Variants in CFAP45 observed in about 807,000 individuals in gnomAD.
CFAP45 encodes the protein cilia and flagella associated protein 45.
A neutral mutation model predicts 75.6 loss-of-function variants in CFAP45; 43 were observed. The observed-to-expected ratio is 0.57, with a 90% CI of 0.45 to 0.73. The LOEUF is 0.73. Among genes scored for constraint, CFAP45 ranks in the 30% least tolerant of loss-of-function variants. The probability of loss-of-function intolerance (pLI) is 0.00; values close to 1 mark genes in which losing one functional copy is unlikely to be tolerated. For missense variants in CFAP45, 689 were observed against 701.5 expected (o/e 0.98, Z 0.20); for synonymous variants, 223 against 244.6 (o/e 0.91, Z 0.82).
chr1:159,887,867 C>T lies in CFAP45; in HGVS notation c.562G>A (p.Glu188Lys), dbSNP rs1038417813. ...QRANKLRMEQ[E>K]EELKDMSKII... Reference sequence around the variant, plus strand: ...TTGCTCATGTCCTTGAGCTCCTCCTCCTGCTCCATCCGCAGCTTGTTGGCT... The same window carrying T: ...TTGCTCATGTCCTTGAGCTCCTCCTTCTGCTCCATCCGCAGCTTGTTGGCT... Residue 188 changes from glutamate (E) to lysine (K), a missense_variant, in exon 5 of 12, where the codon GAG (glutamate) becomes AAG (lysine). Coordinates refer to ENST00000368099, the MANE Select transcript of CFAP45 (RefSeq NM_012337.3). The T allele has an allele frequency of 6.2e-7, 1 of 1,613,956 alleles. No individual in the cohort carries two copies. Among genetic ancestry groups the T allele is most frequent in the Admixed American group, 1.7e-5 (1 of 60,006 alleles).
chr1:159,893,205 T>C lies in CFAP45; in HGVS notation c.104A>G (p.Asp35Gly), dbSNP rs117846150. Residue 35 changes from aspartate (D) to glycine (G), a missense_variant, in exon 2 of 12, where the codon GAT (aspartate) becomes GGT (glycine). Transcript: ENST00000368099. The stretch of plus-strand genomic sequence containing the variant: ...CTTGATATCTCCAAAGAGGCTCTCA[T>C]CCACCTCAGAGCTCACGGCTTTGGT... ...YRTKAVSSEVDESLFGDIKSP... is the reference protein window; with the variant it reads ...YRTKAVSSEVGESLFGDIKSP... 51 of 1,614,042 alleles carry C rather than the reference T, an allele frequency of 3.2e-5. No homozygotes were observed. The East Asian group carries it at 1.0e-3, about 33-fold the overall frequency.
chr1:159,873,472 A>C, intron 10 of CFAP45: 2 of 401,996 alleles, frequency 5.0e-6, no homozygotes, highest in Non-Finnish European at 9.2e-6. Context: ...ATTCTTAATA[A>C]TTTTTGAACA....
At chr1:159,898,696 G>A (rs1215039739) in intron 1 of CFAP45, among the ~76,000 whole-genome samples, 1 of 152,120 alleles carries the variant, frequency 6.6e-6, no homozygotes, top group African/African-American at 2.4e-5. Context: ...TTTTAAAAGA[G>A]GACAAAAGGG....
At chr1:159,882,861 C>G (rs1190218615) in intron 7 of CFAP45, among the ~76,000 whole-genome samples, 3 of 152,190 alleles carry the variant, frequency 2.0e-5, no homozygotes, top group African/African-American at 7.2e-5. Flanking sequence ...CACTCTCTCT[C>G]CCCTGAGCCA....
At chr1:159,877,146 C>G (rs1649422324) in intron 9 of CFAP45, among the ~76,000 whole-genome samples, 1 of 152,182 alleles carries the variant, frequency 6.6e-6, no homozygotes, top group African/African-American at 2.4e-5. Flanking sequence ...TCTCTTGAAC[C>G]TTAAGCACAG....
At chr1:159,879,645 C>A (rs775481911) in intron 8 of CFAP45, among the ~76,000 whole-genome samples, 4 of 152,168 alleles carry the variant, frequency 2.6e-5, no homozygotes, top group African/African-American at 7.2e-5. Flanking sequence ...AATAAGAATA[C>A]TAAAGCCAAT....
chr1:159,900,086 T>C lies in CFAP45; in HGVS notation c.3+10A>G, dbSNP rs1306996856. 1 of 1,614,056 alleles carries C rather than the reference T, an allele frequency of 6.2e-7. No individual in the cohort carries two copies. On this transcript the variant is annotated intron_variant, in intron 1 of 11. Transcript: ENST00000368099. ...AGGACACAAGGGGCCCATCTGAGGT[T>C]CTCCCTCACCATCTCCTCAGCCACA...
rs773795488 is a variant in CFAP45 at position 159,876,653 on chromosome 1, C to T, written c.1255G>A (p.Glu419Lys). Residue 419 changes from glutamate (E) to lysine (K), a missense_variant, in exon 10 of 12, where the codon GAG becomes AAG. By Grantham distance (56) the Glu-to-Lys change is moderately conservative (BLOSUM62 1). Transcript: ENST00000368099. Reference sequence around the variant, plus strand: ...TGTTCGAGCCGACTTTTTCGCAGCTCAGCCTCTGTTTCCATCTTCTTCCGC... The same window carrying T: ...TGTTCGAGCCGACTTTTTCGCAGCTTAGCCTCTGTTTCCATCTTCTTCCGC... The part of the protein sequence containing the change: ...NARKKMETEA[E>K]LRKSRLEQVA... 12 of 1,614,210 alleles carry T rather than the reference C, an allele frequency of 7.4e-6. No homozygotes were observed. Among genetic ancestry groups the T allele is most frequent in the Non-Finnish European group, 1.0e-5 (12 of 1,180,038 alleles).
At chr1:159,896,124 G>A (rs535192229) in intron 1 of CFAP45, among the ~76,000 whole-genome samples, 2 of 152,350 alleles carry the variant, frequency 1.3e-5, no homozygotes, top group South Asian at 4.1e-4. Context: ...AAGTATTATT[G>A]TTTTCCATTT....
At position 159,890,517 on chromosome 1, in the gene CFAP45, T is replaced by C. The variant is rs754066001; in HGVS notation, c.235A>G (p.Ile79Val). 6.2e-7 allele frequency: 1 copy of C among 1,614,104 alleles called. No homozygotes were observed. The highest frequency in any genetic ancestry group is 1.1e-5 in the South Asian group (1 of 91,076). Residue 79 changes from isoleucine (I) to valine (V), a missense_variant, in exon 3 of 12, where the codon ATC becomes GTC. Physicochemically the swap from Ile to Val is conservative, Grantham distance 29. Transcript: ENST00000368099. ...ACCATGTCCCGGGTGATGAGCTGGA[T>C]GGTCTCTGGCTTGCGATCCAAGCCC... ...ALGLDRKPET[I>V]QLITRDMVRE... is the part of the protein sequence containing the mutation.
rs1249922428 is a variant in CFAP45, at chr1:159,897,074, G to A, written c.3+3022C>T. Among the ~76,000 whole-genome samples the A allele has an allele frequency of 3.3e-5, 5 of 150,190 alleles. 1 individual carries two copies. The highest frequency in any genetic ancestry group is 3.3e-4 in the Admixed American group (5 of 15,050). ...AACTCAGGAGTTCAAGACCAGCCTG[G>A]GCAACATGGCAAAACCCCATCTCTA... On this transcript the variant is annotated intron_variant, in intron 1 of 11. Coordinates refer to ENST00000368099, the MANE Select transcript of CFAP45 (RefSeq NM_012337.3).
At chr1:159,885,851 G>A (rs1234746937) in intron 6 of CFAP45, among the ~76,000 whole-genome samples, 2 of 151,838 alleles carry the variant, frequency 1.3e-5, no homozygotes, top group Non-Finnish European at 2.9e-5. Flanking sequence ...AAGGGAAGGA[G>A]ACAGCATTTT....
chr1:159,886,438 T>C lies in CFAP45; in HGVS notation c.767+73A>G, dbSNP rs1387344360. 9 of 1,295,304 alleles carry C rather than the reference T, an allele frequency of 6.9e-6. No individual in the cohort carries two copies. In the African/African-American group the frequency reaches 1.2e-4, roughly 17 times the overall value. 80.2% of individuals were successfully genotyped at this position (1,295,304 alleles called of 1,614,324 possible). A position where few individuals can be genotyped will look rare whatever the true frequency, so the allele number is the denominator to read the frequency against. On this transcript the variant is annotated intron_variant, in intron 6 of 11. Transcript: ENST00000368099. ...ATGACCATTTCTCATCTCTTCCCTC[T>C]TTGCTAGGCTACATGGACCTAAAGA...
chr1:159,879,264 C>A (rs1435749654), intron 8 of CFAP45, among the ~76,000 whole-genome samples: 1 of 152,164 alleles, frequency 6.6e-6, no homozygotes, highest in Non-Finnish European at 1.5e-5. Flanking sequence ...TATCCACTAC[C>A]AACCCTCTGC....
intron 3 of CFAP45, among the ~76,000 whole-genome samples, chr1:159,889,751 C>T (rs989553761): frequency 6.6e-6 from 1 of 152,168 alleles, no homozygotes; most frequent in Non-Finnish European, 1.5e-5. Flanking sequence ...CGACACAGCT[C>T]CCGGGGTGTG....
intron 2 of CFAP45, among the ~76,000 whole-genome samples, chr1:159,891,110 G>C (rs866497728): frequency 1.3e-5 from 2 of 152,092 alleles, no homozygotes; most frequent in Non-Finnish European, 2.9e-5. Context: ...GATATTCCTC[G>C]CAGAATGGTA....
At chr1:159,889,094 C>G (rs895360834) in intron 3 of CFAP45, among the ~76,000 whole-genome samples, 5 of 152,088 alleles carry the variant, frequency 3.3e-5, no homozygotes, top group Admixed American at 6.5e-5. Context: ...CCTAAGCTTC[C>G]CTGCCCATCC....
At chr1:159,887,615 G>T (rs1174438195) in intron 5 of CFAP45, among the ~76,000 whole-genome samples, 1 of 152,232 alleles carries the variant, frequency 6.6e-6, no homozygotes, top group Non-Finnish European at 1.5e-5. Flanking sequence ...AATGAAGAAA[G>T]TGAGGCTCAG....
rs142654422 is a variant in CFAP45 at position 159,887,864 on chromosome 1, C to G, written c.565G>C (p.Glu189Gln). 527 of 1,613,666 alleles carry G rather than the reference C, an allele frequency of 3.3e-4. 1 individual carries two copies. The highest frequency in any genetic ancestry group is 4.1e-4 in the Non-Finnish European group (489 of 1,179,802). Residue 189 changes from glutamate (E) to glutamine (Q), a missense_variant, in exon 5 of 12, where the codon GAG becomes CAG. Glu to Gln is a conservative substitution (Grantham distance 29, BLOSUM62 2). Transcript: ENST00000368099. The part of the protein sequence containing the change: ...RANKLRMEQE[E>Q]ELKDMSKIIL... ...ACCTTGCTCATGTCCTTGAGCTCCT[C>G]CTCCTGCTCCATCCGCAGCTTGTTG...
Sources: allele counts gnomAD v4.1 joint callset (sites outside exome capture counted in the v4.1 genomes callset), GRCh38; gene constraint gnomAD v4.1.1; transcripts MANE v1.5; gene names NCBI Gene and HGNC (gene_info 2026-07-23, HGNC 2026-07-21).